DLG2: variants seen among roughly 807,000 people sequenced by gnomAD.
DLG2 encodes the protein discs large MAGUK scaffold protein 2, also known as disks large homolog 2.
Under a neutral mutation model 132.5 loss-of-function variants are expected in DLG2, and 45 were observed. The observed-to-expected ratio is 0.34, with a 90% CI of 0.27 to 0.44. The LOEUF (loss-of-function observed/expected upper bound fraction) is 0.44. DLG2 is among the 20% of genes least tolerant of loss of function. DLG2 has a pLI of 1.00. For synonymous variants in DLG2, 424 were observed against 419.6 expected (o/e 1.01, Z -0.13); for missense variants, 1,045 against 1,196.9 (o/e 0.87, Z 1.87).
intron 8 of DLG2, among the ~76,000 whole-genome samples, chr11:84,248,435 T>G (rs1192602317): frequency 1.3e-5 from 2 of 152,090 alleles, no homozygotes; most frequent in African/African-American, 4.8e-5. Context: ...TGCATAGAGA[T>G]TAAATAAATT....
intron 18 of DLG2, among the ~76,000 whole-genome samples, chr11:83,673,580 AG>A (rs1266169515): frequency 6.6e-6 from 1 of 152,198 alleles, no homozygotes; most frequent in African/African-American, 2.4e-5. Flanking sequence ...TGTTCGATTA[AG>A]GGGCTGCCAA....
intron 10 of DLG2, among the ~76,000 whole-genome samples, chr11:84,094,369 T>A (rs1320210430): frequency 6.6e-6 from 1 of 152,212 alleles, no homozygotes; most frequent in Non-Finnish European, 1.5e-5. Flanking sequence ...TTGATCTGAT[T>A]ATTACATAAC....
chr11:85,535,542 C>T (rs1366073719), intron 3 of DLG2, among the ~76,000 whole-genome samples: 1 of 152,020 alleles, frequency 6.6e-6, no homozygotes, highest in Non-Finnish European at 1.5e-5. Flanking sequence ...GATGGGATTG[C>T]AAATTAGTGA....
chr11:83,760,624 G>T (rs899305321), intron 18 of DLG2, among the ~76,000 whole-genome samples: 15 of 152,170 alleles, frequency 9.9e-5, no homozygotes, highest in East Asian at 1.9e-4. Context: ...CCAAAGGGCT[G>T]GGATTACAGG....
intron 8 of DLG2, among the ~76,000 whole-genome samples, chr11:84,166,305 C>T (rs2095660923): frequency 1.3e-5 from 2 of 151,946 alleles, no homozygotes; most frequent in East Asian, 3.9e-4. Flanking sequence ...AGATCGATAA[C>T]ATCCTGGCCA....
chr11:84,293,245 G>T (rs2098033311), intron 7 of DLG2, among the ~76,000 whole-genome samples: 2 of 152,078 alleles, frequency 1.3e-5, no homozygotes, highest in South Asian at 2.1e-4. Context: ...CAGTTAAAAG[G>T]CAGTTCTAAT....
At chr11:83,605,431 C>G (rs564170634) in intron 19 of DLG2, among the ~76,000 whole-genome samples, 1 of 152,098 alleles carries the variant, frequency 6.6e-6, no homozygotes, top group South Asian at 2.1e-4. Context: ...ACATAAATGT[C>G]CCAACTAATT....
intron 3 of DLG2, among the ~76,000 whole-genome samples, chr11:85,318,642 A>G (rs1392399234): frequency 1.3e-5 from 2 of 151,834 alleles, no homozygotes; most frequent in Non-Finnish European, 1.5e-5. Flanking sequence ...ACTAGAAAAT[A>G]TTAGAGAAGG....
intron 21 of DLG2, among the ~76,000 whole-genome samples, chr11:83,500,319 C>T (rs768059194): frequency 1.3e-5 from 2 of 152,180 alleles, no homozygotes; most frequent in African/African-American, 2.4e-5. Flanking sequence ...AAGGTGCCGT[C>T]ATTCTGAACA....
chr11:83,595,647 C>T (rs1045045572), intron 19 of DLG2, among the ~76,000 whole-genome samples: 1 of 152,206 alleles, frequency 6.6e-6, no homozygotes, highest in African/African-American at 2.4e-5. Context: ...CAGGCTGATC[C>T]TCAGCAAACT....
intron 18 of DLG2, among the ~76,000 whole-genome samples, chr11:83,739,149 A>T (rs2092289146): frequency 6.6e-6 from 1 of 152,128 alleles, no homozygotes; most frequent in Non-Finnish European, 1.5e-5. Flanking sequence ...GAATTCTATG[A>T]TTCAAATTAT....
At chr11:85,289,374 C>T (rs543954250) in intron 3 of DLG2, among the ~76,000 whole-genome samples, 1 of 152,250 alleles carries the variant, frequency 6.6e-6, no homozygotes, top group South Asian at 2.1e-4. Flanking sequence ...CCTTCCCACA[C>T]TTAGAAATCC....
chr11:83,976,730 T>A (rs80053528), intron 12 of DLG2, among the ~76,000 whole-genome samples: 145 of 152,078 alleles, frequency 9.5e-4, no homozygotes, highest in African/African-American at 3.4e-3. Flanking sequence ...GACCTATTAC[T>A]GTTGAAGTTT....
chr11:83,505,961 C>T (rs1343704905), intron 21 of DLG2, among the ~76,000 whole-genome samples: 8 of 152,164 alleles, frequency 5.3e-5, no homozygotes, highest in African/African-American at 1.9e-4. Flanking sequence ...AGACCATGGA[C>T]ATTTGAGCCA....
chr11:85,596,098 G>C (rs2079737306), intron 3 of DLG2, among the ~76,000 whole-genome samples: 1 of 151,962 alleles, frequency 6.6e-6, no homozygotes, highest in Non-Finnish European at 1.5e-5. Flanking sequence ...ACTAAGAATT[G>C]AAAAATAAGG....
chr11:84,051,267 TTACTGGGTATA>T (rs556688902), intron 11 of DLG2, among the ~76,000 whole-genome samples: 27 of 152,032 alleles, frequency 1.8e-4, no homozygotes, highest in African/African-American at 6.0e-4. Context: ...AGAAATCCCA[TTACTGGGTATA>T]TACCCAAAGG....
chr11:85,089,524 C>A (rs996179753), intron 6 of DLG2, among the ~76,000 whole-genome samples: 2 of 152,076 alleles, frequency 1.3e-5, no homozygotes, highest in Non-Finnish European at 2.9e-5. Flanking sequence ...TTTATTCAGT[C>A]CACTGTTGAT....
At chr11:84,362,013 A>C (rs2098652442) in intron 7 of DLG2, among the ~76,000 whole-genome samples, 1 of 152,018 alleles carries the variant, frequency 6.6e-6, no homozygotes, top group African/African-American at 2.4e-5. Context: ...GTAGAAAGCA[A>C]ATAGCAAGAT....
chr11:84,980,559 C>T (rs1195364526), intron 6 of DLG2, among the ~76,000 whole-genome samples: 1 of 152,136 alleles, frequency 6.6e-6, no homozygotes, highest in African/African-American at 2.4e-5. Context: ...CTAGGACCTT[C>T]CTAGATGCCC....
Sources: allele counts gnomAD v4.1 joint callset (sites outside exome capture counted in the v4.1 genomes callset), GRCh38; gene constraint gnomAD v4.1.1; transcripts MANE v1.5; gene names NCBI Gene and HGNC (gene_info 2026-07-23, HGNC 2026-07-21).